Variants in SLC2A12 observed in about 807,000 individuals in gnomAD.
SLC2A12 encodes solute carrier family 2, facilitated glucose transporter member 12.
A neutral mutation model predicts 41.8 loss-of-function variants in SLC2A12; 23 were observed. The observed-to-expected ratio is 0.55, with a 90% confidence interval of 0.40 to 0.78. SLC2A12 has a LOEUF of 0.78. SLC2A12 is among the 30% of genes least tolerant of loss of function. The pLI is 0.00. For missense variants in SLC2A12, 654 were observed against 745.6 expected (o/e 0.88, Z 1.43); for synonymous variants, 295 against 285.9 (o/e 1.03, Z -0.32).
At chr6:134,017,796 G>T (rs1410527686) in intron 2 of SLC2A12, among the ~76,000 whole-genome samples, 1 of 151,738 alleles carries the variant, frequency 6.6e-6, no homozygotes, top group Non-Finnish European at 1.5e-5. Flanking sequence ...GGAGCTTGCA[G>T]TGAGCCGAGA....
chr6:134,023,368 C>A (rs1055979287), intron 2 of SLC2A12, among the ~76,000 whole-genome samples: 1 of 152,168 alleles, frequency 6.6e-6, no homozygotes, highest in Admixed American at 6.5e-5. Context: ...AGCCCCAGAG[C>A]ATCGCTCCGA....
At position 134,006,176 on chromosome 6, in the gene SLC2A12, G is replaced by GAAAAAAAAAAA. The variant is rs1182572567; in HGVS notation, c.1567+625_1567+635dup. ...CCTGGGCAACAGAGAGAGACTATCGGAAAAAAAAAAAAAAAACAAAAAAAA... is the reference window on the plus strand; with the variant it reads ...CCTGGGCAACAGAGAGAGACTATCGGAAAAAAAAAAAAAAAAAAAAAAAAAAACAAAAAAAA... On this transcript the variant is annotated intron_variant, in intron 3 of 4. Transcript: ENST00000275230. 2.8e-4 allele frequency among the ~76,000 whole-genome samples: 17 copies of GAAAAAAAAAAA among 61,778 alleles called. 1 individual carries two copies. Among genetic ancestry groups the GAAAAAAAAAAA allele is most frequent in the East Asian group, 2.0e-3 (5 of 2,446 alleles). The allele number at this position is 61,778 out of a possible 152,430, so 40.5% of individuals were successfully genotyped here. A position where few individuals can be genotyped will look rare whatever the true frequency, so the allele number is the denominator to read the frequency against.
Position 134,002,057 on chromosome 6 carries a change from A to G in SLC2A12, c.1640T>C (p.Met547Thr), listed in dbSNP as rs903147196. ...MSLASLLFVV[M>T]FIPETKGCSL... is the part of the protein sequence containing the mutation. ...GCATCCCTTTGTCTCAGGTATAAACATAACAACAAAAAGCAGGGATGCTAG... is the reference window on the plus strand; with the variant it reads ...GCATCCCTTTGTCTCAGGTATAAACGTAACAACAAAAAGCAGGGATGCTAG... Residue 547 changes from methionine to threonine, a missense_variant, in exon 4 of 5, where the codon ATG (methionine) becomes ACG (threonine). Around this residue, in one of 3 missense-constraint regions of SLC2A12, gnomAD observed 134 missense variants for 180.5 expected, o/e 0.74. Coordinates refer to ENST00000275230, the MANE Select transcript of SLC2A12 (RefSeq NM_145176.3). 6.2e-7 allele frequency: 1 copy of G among 1,604,204 alleles called. No individual in the cohort carries two copies. Among genetic ancestry groups the G allele is most frequent in the African/African-American group, 1.3e-5 (1 of 74,244 alleles).
intron 3 of SLC2A12, among the ~76,000 whole-genome samples, chr6:134,005,071 G>T (rs929797407): frequency 6.6e-5 from 10 of 152,126 alleles, no homozygotes; most frequent in African/African-American, 2.2e-4. Flanking sequence ...TCCCCAAAGG[G>T]TTTCCCTTCT....
In SLC2A12 at chr6:134,028,447, A is replaced by G. The variant is rs1777144233; in HGVS notation, c.1378T>C (p.Leu460=). The change falls in exon 2 of 5, where the codon TTG becomes CTG. Residue 460 remains leucine (L), a synonymous_variant. Transcript: ENST00000275230. ...AAGCTGGCTAAGGACAGCCATTTCAAAAAAGCTGGGACGTCCCCAGGGTCT... is the reference window on the plus strand; with the variant it reads ...AAGCTGGCTAAGGACAGCCATTTCAGAAAAGCTGGGACGTCCCCAGGGTCT... ...VTDPGDVPAF[L]KWLSLASLLV... 8 of 1,614,066 alleles carry G rather than the reference A, an allele frequency of 5.0e-6. No individual in the cohort carries two copies. Among genetic ancestry groups the G allele is most frequent in the Non-Finnish European group, 6.8e-6 (8 of 1,180,022 alleles).
At chr6:134,003,766 C>G (rs1025667465) in intron 3 of SLC2A12, among the ~76,000 whole-genome samples, 1 of 152,136 alleles carries the variant, frequency 6.6e-6, no homozygotes, top group Non-Finnish European at 1.5e-5. Flanking sequence ...ATGGCCCTCT[C>G]GAGATGTTTT....
In SLC2A12 at chr6:134,013,077, A is replaced by G. The variant is rs111250392; in HGVS notation, c.1445-6143T>C. Among the ~76,000 whole-genome samples the G allele has an allele frequency of 1.9e-4, 29 of 152,280 alleles. 1 individual carries two copies. The highest frequency in any genetic ancestry group is 5.9e-4 in the Admixed American group (9 of 15,298). On this transcript the variant is annotated intron_variant, in intron 2 of 4. Coordinates refer to ENST00000275230, the MANE Select transcript of SLC2A12 (RefSeq NM_145176.3). ...TTAGTATTTTACTCTACTGTACTGCATTTTTAAGCTGGAAAGTCTTTTATT... is the reference window on the plus strand; with the variant it reads ...TTAGTATTTTACTCTACTGTACTGCGTTTTTAAGCTGGAAAGTCTTTTATT...
rs192372602 is a variant in SLC2A12 at position 133,993,775 on chromosome 6, G to T, written c.1701-2467C>A. Among the ~76,000 whole-genome samples, 1,022 of 152,310 alleles carry T rather than the reference G, an allele frequency of 6.7e-3. 9 individuals carry two copies. The highest frequency in any genetic ancestry group is 0.023 in the African/African-American group (963 of 41,566). On this transcript the variant is annotated intron_variant, in intron 4 of 4. Transcript: ENST00000275230. The stretch of plus-strand genomic sequence containing the variant: ...AGACAGGTGGATATCTAGGATAAGA[G>T]AATTCGAGGCAGAGAAAACAAGTGC...
At chr6:134,050,877 A>T (rs969113552) in intron 1 of SLC2A12, among the ~76,000 whole-genome samples, 2 of 152,120 alleles carry the variant, frequency 1.3e-5, no homozygotes, top group Non-Finnish European at 2.9e-5. Context: ...GTACTTCTGC[A>T]TAGGAGAGGA....
At chr6:134,032,425 TTTATATATATATATATATATATAA>T (rs1354516478) in intron 1 of SLC2A12, among the ~76,000 whole-genome samples, 6 of 32,136 alleles carry the variant, frequency 1.9e-4, no homozygotes, top group African/African-American at 6.0e-4. Flanking sequence ...TATATATATA[TTTATATATATATATATATATATAA>T]ATATATATAT....
At chr6:133,997,113 CG>C (rs1206944556) in intron 4 of SLC2A12, among the ~76,000 whole-genome samples, 1 of 128,848 alleles carries the variant, frequency 7.8e-6, no homozygotes, top group Non-Finnish European at 1.6e-5. Context: ...AAAAAAAAGC[CG>C]GGCGTGGCAG....
intron 2 of SLC2A12, among the ~76,000 whole-genome samples, chr6:134,015,556 A>G (rs1330883291): frequency 6.6e-6 from 1 of 152,216 alleles, no homozygotes; most frequent in Non-Finnish European, 1.5e-5. Context: ...TTCTCTGAAG[A>G]TATGTAATTA....
rs200249148 is a variant in SLC2A12 at position 133,987,648 on chromosome 6, G to GTGTATATATATATATATATATA, written c.*3506_*3507insTATATATATATATATATATACA. On this transcript the variant is annotated 3_prime_UTR_variant, in exon 5 of 5. Coordinates refer to ENST00000275230, the MANE Select transcript of SLC2A12 (RefSeq NM_145176.3). ...TTTGTGTGTGTGTGTGTGTGTGTGT[G>GTGTATATATATATATATATATA]TATATATATATATATATATGCACCA... 7.8e-4 allele frequency: 69 copies of GTGTATATATATATATATATATA among 88,354 alleles called. 1 individual carries two copies. The highest frequency in any genetic ancestry group is 2.1e-3 in the African/African-American group (58 of 27,544). 5.5% of individuals were successfully genotyped at this position (88,354 alleles called of 1,614,324 possible).
rs983714664 is a variant in SLC2A12 at position 133,987,701 on chromosome 6, G to A, written c.*3454C>T. The A allele has an allele frequency of 1.2e-4, 18 of 147,546 alleles. No individual in the cohort carries two copies. Among genetic ancestry groups the A allele is most frequent in the Admixed American group, 6.2e-4 (9 of 14,422 alleles). The allele number at this position is 147,546 out of a possible 1,614,324, so 9.1% of individuals were successfully genotyped here. Reference sequence around the variant, plus strand: ...TGTGTATAGTATCTTTTAATGCTCTGTTACCAAATAACAAATAGGAATTTT... The same window carrying A: ...TGTGTATAGTATCTTTTAATGCTCTATTACCAAATAACAAATAGGAATTTT... On this transcript the variant is annotated 3_prime_UTR_variant, in exon 5 of 5. Transcript: ENST00000275230.
At chr6:134,052,347 C>A in intron 1 of SLC2A12, 31 bp downstream of exon 1, 1 of 1,574,170 alleles carries the variant, frequency 6.4e-7, no homozygotes, top group Non-Finnish European at 8.7e-7. Context: ...TGCTTCTCTG[C>A]GGTCACCCGA....
intron 4 of SLC2A12, among the ~76,000 whole-genome samples, chr6:133,998,576 C>T (rs1776721170): frequency 6.6e-6 from 1 of 152,242 alleles, no homozygotes; most frequent in Admixed American, 6.5e-5. Context: ...GGGTCTCACT[C>T]TGTCACCCAG....
At chr6:134,042,771 C>T (rs1777400107) in intron 1 of SLC2A12, among the ~76,000 whole-genome samples, 1 of 151,980 alleles carries the variant, frequency 6.6e-6, no homozygotes, top group African/African-American at 2.4e-5. Flanking sequence ...CTGAGACCAG[C>T]CTGAGCAACA....
intron 1 of SLC2A12, among the ~76,000 whole-genome samples, chr6:134,040,032 T>G (rs1410467688): frequency 6.6e-6 from 1 of 151,764 alleles, no homozygotes; most frequent in African/African-American, 2.4e-5. Flanking sequence ...AAAAATAAAT[T>G]ATCCAATCTC....
In SLC2A12 at chr6:133,987,648, G is replaced by GTATATATATA. The variant is rs59102121; in HGVS notation, c.*3497_*3506dup. On this transcript the variant is annotated 3_prime_UTR_variant, in exon 5 of 5. Transcript: ENST00000275230. ...TTTGTGTGTGTGTGTGTGTGTGTGTGTATATATATATATATATATGCACCA... is the reference window on the plus strand; with the variant it reads ...TTTGTGTGTGTGTGTGTGTGTGTGTGTATATATATATATATATATATATATATATGCACCA... 147 of 88,380 alleles carry GTATATATATA rather than the reference G, an allele frequency of 1.7e-3. No individual in the cohort carries two copies. The highest frequency in any genetic ancestry group is 5.2e-3 in the African/African-American group (143 of 27,562). The allele number at this position is 88,380 out of a possible 1,614,324, so 5.5% of individuals were successfully genotyped here.
Sources: gnomAD v4.1 joint callset for allele counts (sites outside exome capture counted in the v4.1 genomes callset) on GRCh38, gnomAD v4.1.1 for gene constraint, gnomAD v4.1.1 regional missense constraint, MANE v1.5 for transcripts, NCBI Gene and HGNC (gene_info 2026-07-23, HGNC 2026-07-21) for gene names.